PARP4: variants seen among roughly 807,000 people sequenced by gnomAD.
PARP4 encodes the protein poly(ADP-ribose) polymerase family member 4.
PARP4 carries 120 observed loss-of-function variants against 187.7 expected under a neutral mutation model. The ratio of observed to expected loss-of-function variants is 0.64; its 90% CI spans 0.55 to 0.74. The LOEUF (loss-of-function observed/expected upper bound fraction) is 0.74, where lower values mean the gene tolerates loss of function less well. Ranked by LOEUF, PARP4 falls within the 30% of genes least tolerant of loss-of-function variation. PARP4 has a pLI of 0.00. For missense variants in PARP4, 1,836 were observed against 2,070.5 expected, an observed-to-expected ratio of 0.89 and a Z score of 2.20; for synonymous variants, 654 against 740.9, an observed-to-expected ratio of 0.88 and a Z score of 1.90.
chr13:24,469,120 A>G lies in PARP4; in HGVS notation c.2047-10T>C, dbSNP rs746460224. ...CTTCCTTCTCTTTAATCTGGAAAAG[A>G]TGAGTTTTAAATCATTCCTTACATG... On this transcript the variant is annotated splice_polypyrimidine_tract_variant and intron_variant, in intron 16 of 33. Transcript: ENST00000381989. The G allele has an allele frequency of 2.5e-6, 4 of 1,577,054 alleles. No homozygotes were observed. Among genetic ancestry groups the G allele is most frequent in the East Asian group, 4.5e-5 (2 of 44,678 alleles).
chr13:24,478,354 TG>T (rs1873100097), intron 12 of PARP4, 78 bp from the exon 13 acceptor site: 1 of 908,768 alleles, frequency 1.1e-6, no homozygotes, highest in South Asian at 2.9e-5. Flanking sequence ...AAGACTTTCC[TG>T]GTAAACTGTT....
At chr13:24,448,536 G>A (rs1189950405) in intron 25 of PARP4, among the ~76,000 whole-genome samples, 2 of 151,016 alleles carry the variant, frequency 1.3e-5, no homozygotes, top group African/African-American at 4.8e-5. Flanking sequence ...AATGTAAAAT[G>A]ATGCAGCTGC....
chr13:24,449,206 G>C (rs1290716927), intron 25 of PARP4, among the ~76,000 whole-genome samples: 1 of 152,044 alleles, frequency 6.6e-6, no homozygotes. Context: ...GGCTAACACA[G>C]TGAAACCCCA....
chr13:24,463,783 G>A (rs1566003287), intron 17 of PARP4, among the ~76,000 whole-genome samples: 1 of 152,092 alleles, frequency 6.6e-6, no homozygotes, highest in Non-Finnish European at 1.5e-5. Context: ...TATAGTATTG[G>A]AAGTTCCGGC....
intron 22 of PARP4, among the ~76,000 whole-genome samples, chr13:24,454,319 T>C (rs1871702981): frequency 1.3e-5 from 2 of 152,220 alleles, no homozygotes; most frequent in Non-Finnish European, 2.9e-5. Flanking sequence ...ATCCGACCTC[T>C]GTCCCAGCAA....
chr13:24,477,037 C>T (rs1873021933), intron 14 of PARP4, among the ~76,000 whole-genome samples: 1 of 152,196 alleles, frequency 6.6e-6, no homozygotes, highest in Non-Finnish European at 1.5e-5. Flanking sequence ...CTCTCCCCAC[C>T]CCATTACACT....
rs1301994024 is a variant in PARP4, at chr13:24,434,722, G to C, written c.4419C>G (p.Ala1473=). Residue 1473 remains alanine (A), a synonymous_variant, in exon 31 of 34, where the codon GCC becomes GCG. Coordinates refer to ENST00000381989, the MANE Select transcript of PARP4 (RefSeq NM_006437.4). ...HFQPSAASLT[A]NLRLPMASAL... ...CAGAGGCCATTGGCAGCCTAAGGTTGGCAGTCAAAGAGGCTGCGGAAGGTT... is the reference window on the plus strand; with the variant it reads ...CAGAGGCCATTGGCAGCCTAAGGTTCGCAGTCAAAGAGGCTGCGGAAGGTT... 1 of 1,614,052 alleles carries C rather than the reference G, an allele frequency of 6.2e-7. No homozygotes were observed.
intron 11 of PARP4, 103 bp from the exon 12 acceptor site, chr13:24,484,851 A>C: frequency 1.4e-6 from 1 of 720,504 alleles, no homozygotes; most frequent in Non-Finnish European, 2.5e-6. Flanking sequence ...GCATTCAGAG[A>C]ACTCTGCAAT....
chr13:24,467,049 C>A (rs4770690), intron 17 of PARP4, among the ~76,000 whole-genome samples: 4 of 151,926 alleles, frequency 2.6e-5, no homozygotes, highest in Non-Finnish European at 5.9e-5. Context: ...TTCAACAGTA[C>A]GCTATCTAAG....
At position 24,484,717 on chromosome 13, in the gene PARP4, G is replaced by A. The variant is rs142799760; in HGVS notation, c.1384C>T (p.Arg462Cys). The A allele has an allele frequency of 2.4e-3, 3,904 of 1,608,708 alleles. 77 individuals are homozygous for A. The African/African-American group carries it at 0.046, about 19-fold the overall frequency. The change falls in exon 12 of 34, where the codon CGT (arginine) becomes TGT (cysteine). Residue 462 changes from arginine to cysteine, a missense_variant. Around this residue, in one of 8 missense-constraint regions of PARP4, gnomAD observed 1,147 missense variants for 1,214.2 expected, o/e 0.94. Transcript: ENST00000381989. ...GLLLPKVVED[R>C]GVQRTDVGNL... Reference sequence around the variant, plus strand: ...CCGACGTCTGTTCTTTGCACACCACGATCTTCCACTACTTTGGGTAAAAGC... The same window carrying A: ...CCGACGTCTGTTCTTTGCACACCACAATCTTCCACTACTTTGGGTAAAAGC...
At chr13:24,454,865 G>T in intron 22 of PARP4, 152 bp downstream of exon 22, 1 of 557,708 alleles carries the variant, frequency 1.8e-6, no homozygotes. Context: ...CGGGACCTAG[G>T]GGGTCCAGCT....
chr13:24,504,915 G>T (rs933353891), intron 1 of PARP4, among the ~76,000 whole-genome samples: 2 of 150,852 alleles, frequency 1.3e-5, no homozygotes, highest in African/African-American at 2.4e-5. Context: ...GGCTGGTCTT[G>T]AACTCCTGAC....
intron 1 of PARP4, among the ~76,000 whole-genome samples, chr13:24,506,220 C>G (rs942814891): frequency 2.0e-5 from 3 of 151,660 alleles, no homozygotes; most frequent in African/African-American, 7.2e-5. Flanking sequence ...TTCTTTAAGG[C>G]GGCGCATCCA....
intron 18 of PARP4, 65 bp from the exon 19 acceptor site, chr13:24,459,375 G>A: frequency 7.1e-7 from 1 of 1,402,514 alleles, no homozygotes; most frequent in Non-Finnish European, 9.7e-7. Context: ...AGACTAAAGT[G>A]AATGTAATCT....
chr13:24,496,607 G>T (rs959457284), intron 6 of PARP4, among the ~76,000 whole-genome samples: 2 of 152,122 alleles, frequency 1.3e-5, no homozygotes, highest in Admixed American at 6.6e-5. Context: ...TCCACCTGAC[G>T]TGAGTCTCTT....
chr13:24,443,369 T>G (rs560175192), intron 28 of PARP4, among the ~76,000 whole-genome samples: 1 of 152,076 alleles, frequency 6.6e-6, no homozygotes, highest in Non-Finnish European at 1.5e-5. Flanking sequence ...CTACAGGCAC[T>G]CAGCGAGTGT....
intron 12 of PARP4, among the ~76,000 whole-genome samples, chr13:24,482,036 G>A (rs1388134892): frequency 1.3e-5 from 2 of 152,222 alleles, no homozygotes; most frequent in African/African-American, 2.4e-5. Flanking sequence ...AGTATTAACA[G>A]GGGTTTGGAA....
intron 33 of PARP4, among the ~76,000 whole-genome samples, chr13:24,422,292 C>T (rs1457237475): frequency 6.6e-6 from 1 of 152,168 alleles, no homozygotes; most frequent in African/African-American, 2.4e-5. Flanking sequence ...ACAGTAGGCA[C>T]TCAATAAATG....
In PARP4 at chr13:24,501,738, T is replaced by C. The variant is rs571863936; in HGVS notation, c.229A>G (p.Ile77Val). 4 of 1,610,864 alleles carry C rather than the reference T, an allele frequency of 2.5e-6. No individual in the cohort carries two copies. The highest frequency in any genetic ancestry group is 4.5e-5 in the East Asian group (2 of 44,844). ...CTCTTTTCCCTGATAGATTTCCATA[T>C]AAAATCTGGGTTTGCAATATGAACG... ...NHVHIANPDF[I>V]WKSIREKRLL... is the part of the protein sequence containing the mutation. The change falls in exon 3 of 34, where the codon ATA (isoleucine) becomes GTA (valine). Residue 77 changes from isoleucine to valine, a missense_variant. Physicochemically the swap from Ile to Val is conservative, Grantham distance 29 (BLOSUM62 3). Transcript: ENST00000381989.
Sources: gnomAD v4.1 joint callset for allele counts (sites outside exome capture counted in the v4.1 genomes callset) on GRCh38, gnomAD v4.1.1 for gene constraint, gnomAD v4.1.1 regional missense constraint, MANE v1.5 for transcripts, NCBI Gene and HGNC (gene_info 2026-07-23, HGNC 2026-07-21) for gene names.